ZNF423: variants seen among roughly 807,000 people sequenced by gnomAD.
ZNF423 encodes zinc finger protein 423.
A neutral mutation model predicts 95.8 loss-of-function variants in ZNF423; 12 were observed. The observed-to-expected ratio is 0.13, with a 90% CI of 0.08 to 0.20. The LOEUF is 0.20. ZNF423 is among the 10% of genes least tolerant of loss of function. The pLI is 1.00. For missense variants in ZNF423, 1,316 were observed against 1,737.1 expected, an observed-to-expected ratio of 0.76 and a Z score of 4.31; for synonymous variants, 749 against 711.9, an observed-to-expected ratio of 1.05 and a Z score of -0.83.
chr16:49,789,645 T>C, intron 1 of ZNF423, 99 bp from the exon 2 acceptor site: 1 of 1,181,998 alleles, frequency 8.5e-7, no homozygotes, highest in Non-Finnish European at 1.2e-6. Flanking sequence ...GTGGGGGTCC[T>C]TATTATAATA....
intron 7 of ZNF423, among the ~76,000 whole-genome samples, chr16:49,500,382 G>T (rs1967346480): frequency 6.6e-6 from 1 of 152,268 alleles, no homozygotes; most frequent in African/African-American, 2.4e-5. Flanking sequence ...CACTGATCTT[G>T]TCAACCTGTG....
At chr16:49,639,894 GAC>G (rs2151889833) in intron 3 of ZNF423, among the ~76,000 whole-genome samples, 1 of 152,330 alleles carries the variant, frequency 6.6e-6, no homozygotes, top group Non-Finnish European at 1.5e-5. Flanking sequence ...AGGCACACAG[GAC>G]ACAGTGAATA....
intron 1 of ZNF423, among the ~76,000 whole-genome samples, chr16:49,852,991 T>C (rs910202246): frequency 6.6e-6 from 1 of 152,160 alleles, no homozygotes; most frequent in Non-Finnish European, 1.5e-5. Context: ...CCATTCGAAA[T>C]TGTTGTATTT....
At chr16:49,592,058 T>C (rs939542123) in intron 5 of ZNF423, among the ~76,000 whole-genome samples, 2 of 152,268 alleles carry the variant, frequency 1.3e-5, no homozygotes, top group Non-Finnish European at 2.9e-5. Flanking sequence ...AAAGGGTTAT[T>C]ACATTAGGTT....
intron 5 of ZNF423, among the ~76,000 whole-genome samples, chr16:49,553,532 A>C (rs1969715328): frequency 6.6e-6 from 1 of 152,054 alleles, no homozygotes; most frequent in Non-Finnish European, 1.5e-5. Context: ...TTTTTTGTAA[A>C]GGTGAGGTCT....
Position 49,533,333 on chromosome 16 carries a change from C to T in ZNF423, c.3602-7839G>A, listed in dbSNP as rs530726807. Among the ~76,000 whole-genome samples, 3 of 152,326 alleles carry T rather than the reference C, an allele frequency of 2.0e-5. No individual in the cohort carries two copies. The South Asian group carries it at 6.2e-4, about 32-fold the overall frequency. On this transcript the variant is annotated intron_variant, in intron 5 of 7. Transcript: ENST00000563137. ...GGACAGAGGCCTTCCTTCCTGGTCCCACACCCGAGGAAGGGCTGGCTGCCT... is the reference window on the plus strand; with the variant it reads ...GGACAGAGGCCTTCCTTCCTGGTCCTACACCCGAGGAAGGGCTGGCTGCCT...
intron 5 of ZNF423, among the ~76,000 whole-genome samples, chr16:49,584,669 C>T (rs747804027): frequency 1.3e-5 from 2 of 152,132 alleles, no homozygotes; most frequent in African/African-American, 4.8e-5. Context: ...GCCACCCCCT[C>T]GCTGTGTCCT....
At chr16:49,630,177 C>T (rs1240563422) in intron 4 of ZNF423, among the ~76,000 whole-genome samples, 1 of 152,128 alleles carries the variant, frequency 6.6e-6, no homozygotes, top group Non-Finnish European at 1.5e-5. Context: ...GGGAGTCCAG[C>T]CTTGCCACAG....
At chr16:49,691,236 C>A (rs1173864562) in intron 3 of ZNF423, among the ~76,000 whole-genome samples, 1 of 152,246 alleles carries the variant, frequency 6.6e-6, no homozygotes, top group African/African-American at 2.4e-5. Flanking sequence ...AAGTGGCCAC[C>A]TTCTATGCCC....
intron 2 of ZNF423, among the ~76,000 whole-genome samples, chr16:49,738,807 G>A (rs1286830300): frequency 6.6e-6 from 1 of 151,994 alleles, no homozygotes; most frequent in East Asian, 1.9e-4. Flanking sequence ...ATCAGATTTG[G>A]ATGGGAGACC....
At chr16:49,767,610 G>C (rs760629439) in intron 2 of ZNF423, among the ~76,000 whole-genome samples, 10 of 152,198 alleles carry the variant, frequency 6.6e-5, no homozygotes, top group Non-Finnish European at 1.3e-4. Context: ...AATGATCAGA[G>C]AGGGGCATGC....
chr16:49,791,464 C>T (rs578245282), intron 1 of ZNF423, among the ~76,000 whole-genome samples: 2 of 152,316 alleles, frequency 1.3e-5, no homozygotes, highest in African/African-American at 4.8e-5. Context: ...GTTTCCCTTA[C>T]ATTTCATCTT....
intron 5 of ZNF423, among the ~76,000 whole-genome samples, chr16:49,625,619 T>C (rs1040141696): frequency 1.1e-4 from 17 of 152,060 alleles, no homozygotes; most frequent in East Asian, 1.9e-4. Context: ...CCATCCAAGG[T>C]AGAGGGGACT....
chr16:49,769,212 G>A (rs528372344), intron 2 of ZNF423, among the ~76,000 whole-genome samples: 226 of 152,038 alleles, frequency 1.5e-3, no homozygotes, highest in African/African-American at 5.0e-3. Flanking sequence ...AAAATTAGCC[G>A]GGCGTGGTGG....
At chr16:49,778,462 A>G (rs12598886) in intron 2 of ZNF423, among the ~76,000 whole-genome samples, 36,550 of 152,124 alleles carry the variant, frequency 0.24, 5,017 homozygotes, top group African/African-American at 0.38. Context: ...GCCCCACCCA[A>G]GGAAGGAACC....
intron 2 of ZNF423, among the ~76,000 whole-genome samples, chr16:49,774,970 C>T (rs2034096370): frequency 6.6e-6 from 1 of 152,108 alleles, no homozygotes. Flanking sequence ...TTAAAGAAAC[C>T]CATTCAATTG....
chr16:49,637,593 T>C lies in ZNF423; in HGVS notation c.1583A>G (p.Asn528Ser), dbSNP rs1163867037. The C allele has an allele frequency of 6.8e-6, 11 of 1,613,914 alleles. No homozygotes were observed. The highest frequency in any genetic ancestry group is 9.3e-6 in the Non-Finnish European group (11 of 1,180,018). The change falls in exon 4 of 8, where the codon AAC (asparagine) becomes AGC (serine). Residue 528 changes from asparagine (N) to serine (S), a missense_variant. By Grantham distance (46) the Asn-to-Ser change is conservative. This residue lies in a region of ZNF423 where 399 missense variants were observed against 478.5 expected (regional missense o/e 0.83). Coordinates refer to ENST00000563137, the MANE Select transcript of ZNF423 (RefSeq NM_001379286.1). The surrounding 1 kb of genome is among the most constrained non-coding windows in gnomAD (Gnocchi z 5.6). ...PSDGNNAFFC[N>S]QCSMGFLTES... is the part of the protein sequence containing the mutation. ...AGTAAGGAAACCCATGGAGCACTGGTTGCAGAAGAAAGCATTATTACCGTC... is the reference window on the plus strand; with the variant it reads ...AGTAAGGAAACCCATGGAGCACTGGCTGCAGAAGAAAGCATTATTACCGTC...
intron 1 of ZNF423, among the ~76,000 whole-genome samples, chr16:49,851,806 C>A (rs2035305057): frequency 6.6e-6 from 1 of 152,172 alleles, no homozygotes; most frequent in Non-Finnish European, 1.5e-5. Flanking sequence ...GTGTAAGAAT[C>A]TAAACAGCAA....
chr16:49,508,626 T>C (rs993676070), intron 7 of ZNF423, among the ~76,000 whole-genome samples: 3 of 152,020 alleles, frequency 2.0e-5, no homozygotes, highest in Non-Finnish European at 4.4e-5. Context: ...TATAAAAGTG[T>C]TCAATGTTAT....
Sources: allele counts gnomAD v4.1 joint callset (sites outside exome capture counted in the v4.1 genomes callset), GRCh38; gene constraint gnomAD v4.1.1; regional missense constraint gnomAD v4.1.1; non-coding constraint Gnocchi (gnomAD v3.1); transcripts MANE v1.5; gene names NCBI Gene and HGNC (gene_info 2026-07-23, HGNC 2026-07-21).